Variants in VIRMA observed in about 807,000 individuals in gnomAD.
The protein encoded by VIRMA is protein virilizer homolog.
Under a neutral mutation model 182.4 loss-of-function variants are expected in VIRMA, and 65 were observed. That is an observed-to-expected ratio of 0.36 (90% confidence interval 0.29 to 0.44). VIRMA has a LOEUF of 0.44. Among genes scored for constraint, VIRMA ranks in the 20% least tolerant of loss-of-function variants. The pLI, the probability that VIRMA is intolerant of heterozygous loss-of-function variation, is 1.00. For synonymous variants in VIRMA, 709 were observed against 743.1 expected, an observed-to-expected ratio of 0.95 and a Z score of 0.75; for missense variants, 1,752 against 2,158.1, an observed-to-expected ratio of 0.81 and a Z score of 3.73.
rs1231904665 is a variant in VIRMA at position 94,519,249 on chromosome 8, T to C, written c.2249A>G (p.Asp750Gly). 6.2e-7 allele frequency: 1 copy of C among 1,614,054 alleles called. No individual in the cohort carries two copies. The highest frequency in any genetic ancestry group is 1.3e-5 in the African/African-American group (1 of 74,936). Reference protein sequence around the residue: ...DQDEEEGLQSDGVIDDAFALW... With the variant: ...DQDEEEGLQSGGVIDDAFALW... ...GGCAAATGCATCATCAATAACACCA[T>C]CAGATTGGAGACCTTCCTCCTCATC... The change falls in exon 9 of 24, where the codon GAT becomes GGT. Residue 750 changes from aspartate to glycine, a missense_variant. Physicochemically the swap from Asp to Gly is moderately conservative, Grantham distance 94. Around this residue, in one of 11 missense-constraint regions of VIRMA, gnomAD observed 45 missense variants for 91.0 expected, o/e 0.49. Transcript: ENST00000297591.
chr8:94,492,477 A>G (rs1285459167), intron 21 of VIRMA, among the ~76,000 whole-genome samples, 175 bp downstream of exon 21: 2 of 151,334 alleles, frequency 1.3e-5, no homozygotes, highest in Non-Finnish European at 2.9e-5. Flanking sequence ...TTTAGTAGAG[A>G]CAGGGTTTCA....
Position 94,488,524 on chromosome 8 carries a change from T to A in VIRMA, c.*182A>T. The stretch of plus-strand genomic sequence containing the variant: ...AAGGGAAAATATATACAAACGTACA[T>A]ACAAAGTTTGGATTTTTATTGAAAT... On this transcript the variant is annotated 3_prime_UTR_variant, in exon 24 of 24. Transcript: ENST00000297591. 1 of 516,642 alleles carries A rather than the reference T, an allele frequency of 1.9e-6. No individual in the cohort carries two copies. The highest frequency in any genetic ancestry group is 3.3e-6 in the Non-Finnish European group (1 of 299,182). The allele number at this position is 516,642 out of a possible 1,614,324, so 32.0% of individuals were successfully genotyped here.
intron 1 of VIRMA, among the ~76,000 whole-genome samples, chr8:94,549,604 T>G (rs1815898409): frequency 6.6e-6 from 1 of 152,204 alleles, no homozygotes; most frequent in Non-Finnish European, 1.5e-5. Context: ...TCCTGTCAAT[T>G]CTATACTCGA....
intron 16 of VIRMA, among the ~76,000 whole-genome samples, chr8:94,501,127 G>A (rs542828291): frequency 2.0e-5 from 3 of 151,418 alleles, no homozygotes; most frequent in African/African-American, 7.3e-5. Flanking sequence ...ATGGTGGCAG[G>A]CGCCTGTAAT....
intron 17 of VIRMA, chr8:94,496,714 C>G: frequency 2.7e-6 from 1 of 371,356 alleles, no homozygotes; most frequent in Non-Finnish European, 4.7e-6. Flanking sequence ...GGCACCAAGA[C>G]TTTTCAACAA....
chr8:94,496,231 G>A, intron 18 of VIRMA, 97 bp downstream of exon 18: 1 of 1,009,750 alleles, frequency 9.9e-7, no homozygotes, highest in South Asian at 1.8e-5. Context: ...CCCAGCTAAA[G>A]ATTCACTATT....
In VIRMA at chr8:94,527,199, A is replaced by T. The variant is rs924238495; in HGVS notation, c.1045T>A (p.Leu349Ile). 2.5e-6 allele frequency: 4 copies of T among 1,614,106 alleles called. No individual in the cohort carries two copies. Among genetic ancestry groups the T allele is most frequent in the South Asian group, 1.1e-5 (1 of 91,080 alleles). The change falls in exon 8 of 24, where the codon TTA (leucine) becomes ATA (isoleucine). Residue 349 changes from leucine to isoleucine, a missense_variant. Physicochemically the swap from Leu to Ile is conservative, Grantham distance 5. Transcript: ENST00000297591. ...DPYDRELVPL[L>I]YFSCPYKTTF... ...GTCTTGTATGGACAACTGAAGTATAAGAGTGGTACAAGCTCCCTGTCATAT... is the reference window on the plus strand; with the variant it reads ...GTCTTGTATGGACAACTGAAGTATATGAGTGGTACAAGCTCCCTGTCATAT...
At chr8:94,522,798 C>CT (rs1814818726) in intron 8 of VIRMA, among the ~76,000 whole-genome samples, 1 of 152,180 alleles carries the variant, frequency 6.6e-6, no homozygotes, top group Non-Finnish European at 1.5e-5. Flanking sequence ...CCTAGTAACT[C>CT]TAATTTCTTT....
At chr8:94,491,434 AAAC>A in intron 22 of VIRMA, 141 bp downstream of exon 22, 7 of 716,672 alleles carry the variant, frequency 9.8e-6, no homozygotes, top group Non-Finnish European at 1.6e-5. Context: ...AGTACTCTGC[AAAC>A]AGTACCACTA....
rs1175177233 is a variant in VIRMA at position 94,529,225 on chromosome 8, TCTTCTA to T, written c.719_724del (p.Val240_Glu241del). The T allele has an allele frequency of 4.5e-6, 7 of 1,567,284 alleles. No individual in the cohort carries two copies. The highest frequency in any genetic ancestry group is 6.2e-6 in the Non-Finnish European group (7 of 1,137,518). On this transcript the variant is annotated inframe_deletion, in exon 7 of 24. Coordinates refer to ENST00000297591, the MANE Select transcript of VIRMA (RefSeq NM_015496.5). ...TTCTTCTCCTTCTTCTTGTTGTTCC[TCTTCTA>T]CTTCTCCTTCATCAGAATATTGCCC...
chr8:94,499,576 G>C (rs764475128), intron 16 of VIRMA, 70 bp from the exon 17 acceptor site: 40 of 1,125,040 alleles, frequency 3.6e-5, no homozygotes, highest in Admixed American at 6.9e-5. Context: ...TATGATAAAT[G>C]AACTCACTTC....
At chr8:94,500,757 C>T (rs890246250) in intron 16 of VIRMA, among the ~76,000 whole-genome samples, 4 of 150,736 alleles carry the variant, frequency 2.7e-5, no homozygotes, top group Non-Finnish European at 5.9e-5. Context: ...TAAGTGTCTA[C>T]CCAAGAGAAA....
intron 1 of VIRMA, among the ~76,000 whole-genome samples, chr8:94,553,047 A>C (rs1471628586): frequency 6.6e-6 from 1 of 152,174 alleles, no homozygotes; most frequent in Non-Finnish European, 1.5e-5. Flanking sequence ...CACTACTGGC[A>C]AACCAAGACC....
At chr8:94,500,900 CAT>C (rs1201156485) in intron 16 of VIRMA, among the ~76,000 whole-genome samples, 4 of 152,000 alleles carry the variant, frequency 2.6e-5, no homozygotes, top group Non-Finnish European at 5.9e-5. Context: ...TGTCAAAACA[CAT>C]AGAACTGTAC....
At position 94,540,271 on chromosome 8, in the gene VIRMA, A is replaced by G. The variant is rs1183088463; in HGVS notation, c.180-1925T>C. Among the ~76,000 whole-genome samples the G allele has an allele frequency of 2.0e-5, 3 of 152,086 alleles. No homozygotes were observed. The South Asian group carries it at 6.2e-4, about 32-fold the overall frequency. On this transcript the variant is annotated intron_variant, in intron 2 of 23. Coordinates refer to ENST00000297591, the MANE Select transcript of VIRMA (RefSeq NM_015496.5). ...TCATTAGACTATGTAGCTATTAGAA[A>G]TCATAAAATCAAGTAATATTTAATG...
chr8:94,538,273 C>A lies in VIRMA; in HGVS notation c.253G>T (p.Asp85Tyr). ...NVSKPSAPVF[D>Y]RLGSLEYDEN... is the part of the protein sequence containing the mutation. ...GCAGGTACATACCTTCCCAACCTAT[C>A]GAAAACAGGGGCACTTGGTTTGCTT... The change falls in exon 3 of 24, where the codon GAT becomes TAT. Residue 85 changes from aspartate to tyrosine, a missense_variant. This residue lies in a region of VIRMA where 195 missense variants were observed against 191.7 expected (regional missense o/e 1.02). Transcript: ENST00000297591. The A allele has an allele frequency of 6.8e-6, 11 of 1,611,716 alleles. No homozygotes were observed. Among genetic ancestry groups the A allele is most frequent in the Non-Finnish European group, 9.3e-6 (11 of 1,177,960 alleles).
At chr8:94,507,111 A>C (rs540464783) in intron 15 of VIRMA, among the ~76,000 whole-genome samples, 80 of 150,662 alleles carry the variant, frequency 5.3e-4, no homozygotes, top group African/African-American at 1.9e-3. Flanking sequence ...GTTTATAAAG[A>C]AACTTTTCAG....
At chr8:94,548,687 G>T (rs999655611) in intron 1 of VIRMA, among the ~76,000 whole-genome samples, 2 of 144,268 alleles carry the variant, frequency 1.4e-5, no homozygotes, top group African/African-American at 5.9e-5. Flanking sequence ...ACAGAGTCTC[G>T]CTCTGTCGCC....
chr8:94,501,255 C>CAAAAAAAA (rs55726504), intron 16 of VIRMA, among the ~76,000 whole-genome samples: 1 of 72,838 alleles, frequency 1.4e-5, no homozygotes, highest in Admixed American at 1.6e-4. Context: ...GATTCCATCT[C>CAAAAAAAA]AAAAAAAAAA....
Sources: allele counts gnomAD v4.1 joint callset (sites outside exome capture counted in the v4.1 genomes callset), GRCh38; gene constraint gnomAD v4.1.1; regional missense constraint gnomAD v4.1.1; transcripts MANE v1.5; gene names NCBI Gene and HGNC (gene_info 2026-07-23, HGNC 2026-07-21).